Variants in ATP2B4 observed in about 807,000 individuals in gnomAD.
ATP2B4 encodes ATPase plasma membrane Ca2+ transporting 4.
Under a neutral mutation model 110.3 loss-of-function variants are expected in ATP2B4, and 39 were observed. The observed-to-expected ratio is 0.35, with a 90% confidence interval of 0.27 to 0.46. The LOEUF (loss-of-function observed/expected upper bound fraction) is 0.46, where lower values mean the gene tolerates loss of function less well. Among genes scored for constraint, ATP2B4 ranks in the 20% least tolerant of loss-of-function variants. The pLI is 1.00. For synonymous variants in ATP2B4, 538 were observed against 571.7 expected (o/e 0.94, Z 0.84); for missense variants, 1,135 against 1,530.9 (o/e 0.74, Z 4.32).
intron 1 of ATP2B4, among the ~76,000 whole-genome samples, chr1:203,631,412 T>C (rs1663261245): frequency 6.6e-6 from 1 of 152,246 alleles, no homozygotes; most frequent in Admixed American, 6.5e-5. Context: ...CTCTTGCCTT[T>C]CTGCCACTTC....
chr1:203,639,001 G>A (rs939816288), intron 1 of ATP2B4, among the ~76,000 whole-genome samples: 4 of 152,226 alleles, frequency 2.6e-5, no homozygotes, highest in African/African-American at 9.6e-5. Flanking sequence ...GAGTAATTGA[G>A]AGGGGAAGCA....
intron 1 of ATP2B4, among the ~76,000 whole-genome samples, chr1:203,640,548 C>T (rs905311488): frequency 1.3e-5 from 2 of 151,960 alleles, no homozygotes; most frequent in African/African-American, 4.8e-5. Context: ...TGGTCTCAAA[C>T]TCCTGGTCTC....
At chr1:203,692,188 C>A (rs1396717316) in intron 2 of ATP2B4, among the ~76,000 whole-genome samples, 1 of 142,240 alleles carries the variant, frequency 7.0e-6, no homozygotes, top group Non-Finnish European at 1.5e-5. Context: ...CCTTTTTTTT[C>A]TTTTTTTGAG....
intron 2 of ATP2B4, among the ~76,000 whole-genome samples, chr1:203,688,196 G>T (rs967198805): frequency 3.3e-5 from 5 of 151,750 alleles, no homozygotes; most frequent in Non-Finnish European, 5.9e-5. Flanking sequence ...GTTAATTTTT[G>T]TATTTTTTGG....
intron 1 of ATP2B4, chr1:203,656,964 C>G (rs980685521): frequency 5.7e-6 from 4 of 698,702 alleles, no homozygotes; most frequent in Non-Finnish European, 1.1e-5. Context: ...TATGAAATTG[C>G]TGTCAAACCA....
At chr1:203,716,182 A>G (rs1416000508) in intron 15 of ATP2B4, among the ~76,000 whole-genome samples, 2 of 145,032 alleles carry the variant, frequency 1.4e-5, no homozygotes, top group Non-Finnish European at 3.1e-5. Flanking sequence ...CATGACTAAG[A>G]TTCATAACAG....
intron 1 of ATP2B4, among the ~76,000 whole-genome samples, chr1:203,661,790 C>T (rs1343709306): frequency 6.6e-6 from 1 of 152,024 alleles, no homozygotes; most frequent in South Asian, 2.1e-4. Context: ...CAGCCCTGGG[C>T]GTGTCTGTGG....
At chr1:203,735,714 C>G (rs1666862043) in intron 20 of ATP2B4, among the ~76,000 whole-genome samples, 1 of 152,214 alleles carries the variant, frequency 6.6e-6, no homozygotes, top group Non-Finnish European at 1.5e-5. Flanking sequence ...TCTTGCCCTG[C>G]AAGTATCCAG....
rs145798565 is a variant in ATP2B4 at position 203,661,316 on chromosome 1, G to T, written c.-464-21426G>T. Among the ~76,000 whole-genome samples the T allele has an allele frequency of 7.2e-3, 1,094 of 152,260 alleles. 16 individuals carry two copies. The highest frequency in any genetic ancestry group is 0.025 in the African/African-American group (1,018 of 41,538). On this transcript the variant is annotated intron_variant, in intron 1 of 20. Transcript: ENST00000357681. ...CTGCCAAAGTCGGGTTTGGATTCTG[G>T]CTTGGCTTCTTACTGTGTGAGCCTA...
At chr1:203,734,576 C>T (rs10047187) in intron 20 of ATP2B4, among the ~76,000 whole-genome samples, 82,916 of 151,372 alleles carry the variant, frequency 0.55, 23,021 homozygotes, top group Admixed American at 0.67. Flanking sequence ...CAATATGGTG[C>T]GTGCCTGTAA....
chr1:203,667,178 C>T (rs2102339585), intron 1 of ATP2B4, among the ~76,000 whole-genome samples: 1 of 152,262 alleles, frequency 6.6e-6, no homozygotes, highest in East Asian at 1.9e-4. Context: ...TCTCGAACTC[C>T]TGGATTCAAG....
chr1:203,678,252 G>A (rs1394196565), intron 1 of ATP2B4, among the ~76,000 whole-genome samples: 1 of 152,054 alleles, frequency 6.6e-6, no homozygotes, highest in Non-Finnish European at 1.5e-5. Context: ...CATAGTTTGG[G>A]GATGTATTTC....
chr1:203,638,574 C>A (rs1663531607), intron 1 of ATP2B4, among the ~76,000 whole-genome samples: 1 of 152,154 alleles, frequency 6.6e-6, no homozygotes, highest in Non-Finnish European at 1.5e-5. Context: ...AGAGAACTGG[C>A]ACCTCGAGAC....
Position 203,695,548 on chromosome 1 carries a change from C to T in ATP2B4, c.194-2609C>T, listed in dbSNP as rs76641924. Among the ~76,000 whole-genome samples the T allele has an allele frequency of 1.8e-3, 273 of 152,308 alleles. 3 individuals are homozygous for T. In the East Asian group the frequency reaches 0.028, roughly 16 times the overall value. ...GAGGCCAGGGTGATGTGCTTGGGCA[C>T]TGGGAGTCAGGAGACCCTGGATAAG... On this transcript the variant is annotated intron_variant, in intron 2 of 20. Coordinates refer to ENST00000357681, the MANE Select transcript of ATP2B4 (RefSeq NM_001684.5).
At chr1:203,731,981 A>T (rs374272335) in intron 20 of ATP2B4, among the ~76,000 whole-genome samples, 18 of 151,876 alleles carry the variant, frequency 1.2e-4, no homozygotes, top group African/African-American at 4.1e-4. Flanking sequence ...GATTGAGACC[A>T]TCCTGGCTAA....
At chr1:203,657,463 C>T (rs1664196435) in intron 1 of ATP2B4, 3 of 784,706 alleles carry the variant, frequency 3.8e-6, no homozygotes, top group South Asian at 1.4e-5. Context: ...CGAGATTGTC[C>T]CTCTCTGTCC....
At chr1:203,674,430 G>A (rs1313090774) in intron 1 of ATP2B4, among the ~76,000 whole-genome samples, 1 of 152,018 alleles carries the variant, frequency 6.6e-6, no homozygotes, top group African/African-American at 2.4e-5. Context: ...TTTGAAAGAG[G>A]TTGGCTTTCC....
chr1:203,729,032 C>A (rs1330916333), intron 20 of ATP2B4, among the ~76,000 whole-genome samples: 2 of 150,952 alleles, frequency 1.3e-5, no homozygotes, highest in African/African-American at 4.9e-5. Context: ...GCAGGAAAAT[C>A]GCTTGAACCC....
chr1:203,627,673 GGA>G (rs1491100687), intron 1 of ATP2B4, among the ~76,000 whole-genome samples: 7 of 107,670 alleles, frequency 6.5e-5, no homozygotes, highest in Admixed American at 2.1e-4. Flanking sequence ...AAAGAGAGAT[GGA>G]AAAAAAAAAA....
Sources: allele counts gnomAD v4.1 joint callset (sites outside exome capture counted in the v4.1 genomes callset), GRCh38; gene constraint gnomAD v4.1.1; transcripts MANE v1.5; gene names NCBI Gene and HGNC (gene_info 2026-07-23, HGNC 2026-07-21).